GRIK1: variants seen among roughly 807,000 people sequenced by gnomAD.
GRIK1 encodes the protein glutamate receptor ionotropic, kainate 1.
GRIK1 carries 69 observed loss-of-function variants against 105.7 expected under a neutral mutation model. The ratio of observed to expected loss-of-function variants is 0.65; its 90% CI spans 0.54 to 0.80. GRIK1 has a LOEUF of 0.80. Ranked by LOEUF, GRIK1 falls within the 30% of genes least tolerant of loss-of-function variation. The probability of loss-of-function intolerance (pLI) is 0.00; values close to 1 mark genes in which losing one functional copy is unlikely to be tolerated. For synonymous variants in GRIK1, 438 were observed against 431.3 expected, an observed-to-expected ratio of 1.02 and a Z score of -0.19; for missense variants, 1,109 against 1,167.3, an observed-to-expected ratio of 0.95 and a Z score of 0.73.
intron 1 of GRIK1, among the ~76,000 whole-genome samples, chr21:29,855,999 A>G (rs2068452180): frequency 6.6e-6 from 1 of 152,214 alleles, no homozygotes; most frequent in South Asian, 2.1e-4. Flanking sequence ...GAAAAGCAAG[A>G]GCTTAATCTT....
intron 1 of GRIK1, among the ~76,000 whole-genome samples, chr21:29,901,763 G>T (rs950348132): frequency 9.2e-5 from 14 of 151,842 alleles, no homozygotes; most frequent in African/African-American, 3.4e-4. Flanking sequence ...CCAATCAATA[G>T]AAAAAAGAGG....
intron 10 of GRIK1, among the ~76,000 whole-genome samples, chr21:29,590,568 C>T (rs535691705): frequency 2.6e-5 from 4 of 152,128 alleles, no homozygotes; most frequent in Admixed American, 6.5e-5. Flanking sequence ...GTCATAGACA[C>T]ACAGGCAACA....
intron 1 of GRIK1, among the ~76,000 whole-genome samples, chr21:29,828,084 TTC>T (rs1316801286): frequency 1.3e-5 from 2 of 151,222 alleles, no homozygotes; most frequent in Admixed American, 6.6e-5. Flanking sequence ...GTAATAGACT[TTC>T]TCACATGGTG....
chr21:29,579,540 A>G (rs1298177189), intron 13 of GRIK1, among the ~76,000 whole-genome samples: 1 of 152,048 alleles, frequency 6.6e-6, no homozygotes, highest in Non-Finnish European at 1.5e-5. Flanking sequence ...CATCACATTT[A>G]AAAAAAATTC....
intron 1 of GRIK1, among the ~76,000 whole-genome samples, chr21:29,849,103 T>C (rs907023561): frequency 6.6e-6 from 1 of 151,374 alleles, no homozygotes; most frequent in Non-Finnish European, 1.5e-5. Flanking sequence ...AAATGAATGA[T>C]TAAGCATATT....
At chr21:29,580,846 T>C (rs1220183551) in intron 13 of GRIK1, among the ~76,000 whole-genome samples, 1 of 152,154 alleles carries the variant, frequency 6.6e-6, no homozygotes. Flanking sequence ...CCCGAATTCA[T>C]AGGAAATGTA....
chr21:29,677,725 A>T (rs918166531), intron 3 of GRIK1, among the ~76,000 whole-genome samples: 1 of 152,212 alleles, frequency 6.6e-6, no homozygotes, highest in African/African-American at 2.4e-5. Flanking sequence ...AATAAACCTT[A>T]GAATATACCT....
chr21:29,684,453 A>C (rs1255289534), intron 3 of GRIK1, among the ~76,000 whole-genome samples: 3 of 152,140 alleles, frequency 2.0e-5, no homozygotes, highest in Non-Finnish European at 4.4e-5. Flanking sequence ...ATCAGCTATT[A>C]GGTTGGTGCA....
chr21:29,821,604 C>T (rs907083431), intron 1 of GRIK1, among the ~76,000 whole-genome samples: 4 of 151,938 alleles, frequency 2.6e-5, no homozygotes, highest in African/African-American at 7.3e-5. Flanking sequence ...AGCAGATATT[C>T]GTAACACTTA....
chr21:29,761,494 T>G (rs1045130533), intron 1 of GRIK1: 5 of 152,166 alleles, frequency 3.3e-5, no homozygotes, highest in African/African-American at 1.2e-4. Flanking sequence ...CGAATATTAC[T>G]GTATAACTTT....
intron 7 of GRIK1, among the ~76,000 whole-genome samples, chr21:29,619,152 C>T (rs1337961014): frequency 7.6e-6 from 1 of 132,062 alleles, no homozygotes; most frequent in Admixed American, 8.0e-5. Context: ...AAGAATGATA[C>T]AATGGGTTGG....
intron 1 of GRIK1, among the ~76,000 whole-genome samples, chr21:29,832,538 C>G (rs538456491): frequency 2.6e-5 from 4 of 152,194 alleles, no homozygotes; most frequent in African/African-American, 9.7e-5. Flanking sequence ...ACAGGCTTAA[C>G]AGCACATGGA....
At chr21:29,706,907 C>T (rs925835901) in intron 1 of GRIK1, among the ~76,000 whole-genome samples, 3 of 152,200 alleles carry the variant, frequency 2.0e-5, no homozygotes, top group African/African-American at 7.2e-5. Flanking sequence ...CTCTGTTGCC[C>T]AGGCTGGAGT....
chr21:29,623,756 C>G (rs1399064678), intron 7 of GRIK1, among the ~76,000 whole-genome samples: 1 of 152,070 alleles, frequency 6.6e-6, no homozygotes, highest in Non-Finnish European at 1.5e-5. Flanking sequence ...ATAGAAAGCA[C>G]TGGTATAATG....
At chr21:29,898,198 G>T (rs1259901945) in intron 1 of GRIK1, among the ~76,000 whole-genome samples, 2 of 152,090 alleles carry the variant, frequency 1.3e-5, no homozygotes, top group African/African-American at 2.4e-5. Flanking sequence ...ACTTGTTTCT[G>T]CAGCAGATAC....
intron 7 of GRIK1, among the ~76,000 whole-genome samples, chr21:29,611,561 T>G (rs2061730794): frequency 6.6e-6 from 1 of 152,202 alleles, no homozygotes; most frequent in Admixed American, 6.5e-5. Flanking sequence ...GTGGCATAAA[T>G]GTAATCACAT....
At chr21:29,714,760 A>G (rs1465352188) in intron 1 of GRIK1, among the ~76,000 whole-genome samples, 1 of 152,180 alleles carries the variant, frequency 6.6e-6, no homozygotes, top group East Asian at 1.9e-4. Flanking sequence ...ATACTTTTTT[A>G]TAGCTTTGAT....
intron 1 of GRIK1, among the ~76,000 whole-genome samples, chr21:29,696,129 AG>A (rs1371230795): frequency 3.3e-5 from 5 of 152,216 alleles, no homozygotes; most frequent in Non-Finnish European, 5.9e-5. Flanking sequence ...GGGTTGTGAA[AG>A]CTAAGATGGT....
intron 15 of GRIK1, 84 bp downstream of exon 15, chr21:29,561,540 A>G: frequency 2.4e-6 from 2 of 836,658 alleles, no homozygotes; most frequent in Non-Finnish European, 4.1e-6. Flanking sequence ...CAGAATTTGG[A>G]ATAAAGAACT....
Sources: gnomAD v4.1 joint callset for allele counts (sites outside exome capture counted in the v4.1 genomes callset) on GRCh38, gnomAD v4.1.1 for gene constraint, MANE v1.5 for transcripts, NCBI Gene and HGNC (gene_info 2026-07-23, HGNC 2026-07-21) for gene names.